Variants in WBP4 observed in about 807,000 individuals in gnomAD.
WBP4 encodes WW domain-binding protein 4.
In WBP4, 37 loss-of-function variants were observed where a neutral mutation model predicts 55.4. That is an observed-to-expected ratio of 0.67 (90% CI 0.51 to 0.88). WBP4 has a LOEUF of 0.88. WBP4 is among the 40% of genes least tolerant of loss of function. The probability of loss-of-function intolerance (pLI) is 0.00; values close to 1 mark genes in which losing one functional copy is unlikely to be tolerated. For synonymous variants in WBP4, 142 were observed against 140.2 expected (o/e 1.01, Z -0.09); for missense variants, 398 against 420.8 (o/e 0.95, Z 0.47).
At position 41,074,908 on chromosome 13, in the gene WBP4, T is replaced by G. The variant is rs189572864; in HGVS notation, c.563-1136T>G. On this transcript the variant is annotated intron_variant, in intron 7 of 9. Transcript: ENST00000379487. ...TACTCGGGAGGCTGAAGCAGGAGAA[T>G]CGCTTGAACCGGGGAGGTGGAGGTT... Among the ~76,000 whole-genome samples the G allele has an allele frequency of 4.3e-4, 66 of 152,240 alleles. No homozygotes were observed. The East Asian group carries it at 0.012, about 28-fold the overall frequency.
intron 7 of WBP4, 136 bp from the exon 8 acceptor site, chr13:41,075,908 A>G: frequency 1.0e-6 from 1 of 965,714 alleles, no homozygotes; most frequent in Non-Finnish European, 1.5e-6. Flanking sequence ...GAACTCTGTT[A>G]TCTTCTTGAT....
chr13:41,062,163 C>G (rs978770211), intron 1 of WBP4: 5 of 890,004 alleles, frequency 5.6e-6, no homozygotes, highest in Non-Finnish European at 5.2e-6. Context: ...TTCCAGTTCT[C>G]TCTTGCCTTG....
Position 41,082,981 on chromosome 13 carries a change from G to C in WBP4, c.*67G>C. ...AGACTTATACACCCAAAGTTTATCTGTGTTTGTTTGTAAGTATTATGATGC... is the reference window on the plus strand; with the variant it reads ...AGACTTATACACCCAAAGTTTATCTCTGTTTGTTTGTAAGTATTATGATGC... On this transcript the variant is annotated 3_prime_UTR_variant, in exon 10 of 10. Coordinates refer to ENST00000379487, the MANE Select transcript of WBP4 (RefSeq NM_007187.5). 1 of 1,422,468 alleles carries C rather than the reference G, an allele frequency of 7.0e-7. No homozygotes were observed. Among genetic ancestry groups the C allele is most frequent in the South Asian group, 1.2e-5 (1 of 80,152 alleles). The allele number at this position is 1,422,468 out of a possible 1,614,324, so 88.1% of individuals were successfully genotyped here.
rs1350378615 is a variant in WBP4, at chr13:41,066,446, C to T, written c.262+1159C>T. 3.3e-5 allele frequency among the ~76,000 whole-genome samples: 5 copies of T among 151,946 alleles called. No homozygotes were observed. The South Asian group carries it at 1.0e-3, about 32-fold the overall frequency. ...TTTTTAAATTACATATTTTGTGCTGCGGTCTATTTGCCGGTTGTTTTATTT... is the reference window on the plus strand; with the variant it reads ...TTTTTAAATTACATATTTTGTGCTGTGGTCTATTTGCCGGTTGTTTTATTT... On this transcript the variant is annotated intron_variant, in intron 4 of 9. Transcript: ENST00000379487.
chr13:41,067,074 G>A (rs1392950299), intron 4 of WBP4, among the ~76,000 whole-genome samples: 3 of 151,974 alleles, frequency 2.0e-5, no homozygotes, highest in South Asian at 2.1e-4. Context: ...CTGTAGCCTC[G>A]ACCTCCCGGG....
intron 9 of WBP4, 121 bp downstream of exon 9, chr13:41,080,930 A>C (rs1169976695): frequency 2.8e-6 from 3 of 1,081,542 alleles, no homozygotes; most frequent in Non-Finnish European, 4.1e-6. Flanking sequence ...GCTTGAGGCC[A>C]GATGCACCCC....
rs771592917 is a variant in WBP4 at position 41,076,082 on chromosome 13, A to G, written c.601A>G (p.Thr201Ala). The change falls in exon 8 of 10, where the codon ACT (threonine) becomes GCT (alanine). Residue 201 changes from threonine to alanine, a missense_variant. Coordinates refer to ENST00000379487, the MANE Select transcript of WBP4 (RefSeq NM_007187.5). ...GAAACCTGATGATTTCATTCCACAC[A>G]CTAGTGATCTGCCTTCTAGTAAGGT... ...WEKPDDFIPH[T>A]SDLPSSKVNE... 5.6e-6 allele frequency: 9 copies of G among 1,613,438 alleles called. No homozygotes were observed. In the East Asian group the frequency reaches 1.1e-4, roughly 20 times the overall value.
rs1009865376 is a variant in WBP4, at chr13:41,080,714, G to A, written c.825G>A (p.Gln275=). 18 of 1,605,830 alleles carry A rather than the reference G, an allele frequency of 1.1e-5. No homozygotes were observed. Among genetic ancestry groups the A allele is most frequent in the Non-Finnish European group, 1.5e-5 (18 of 1,177,854 alleles). The change falls in exon 9 of 10, where the codon CAG becomes CAA. Residue 275 remains glutamine (Q), a synonymous_variant. Transcript: ENST00000379487. ...AGAAAGAAAAAAGTATTCAGAAACAGAATTCATTAGGTTCAAATGAAGAAA... is the reference window on the plus strand; with the variant it reads ...AGAAAGAAAAAAGTATTCAGAAACAAAATTCATTAGGTTCAAATGAAGAAA... ...ETQKEKSIQK[Q]NSLGSNEEKS... is the part of the protein sequence containing the mutation.
chr13:41,062,963 T>C (rs1877766304), intron 2 of WBP4, among the ~76,000 whole-genome samples: 1 of 152,198 alleles, frequency 6.6e-6, no homozygotes, highest in Admixed American at 6.5e-5. Flanking sequence ...AATGAGTTGG[T>C]CATATCATTC....
In WBP4 at chr13:41,082,735, G is replaced by GA; in HGVS notation, c.956dup (p.Asn319LysfsTer2). ...GGTAGATTTGGAACTTCCAAGCACT[G>GA]AAAATGAGTATGTATCAACTTCAGA... is the stretch of plus-strand genomic sequence containing the variant. On this transcript the variant is annotated frameshift_variant, in exon 10 of 10. Coordinates refer to ENST00000379487, the MANE Select transcript of WBP4 (RefSeq NM_007187.5). LOFTEE classifies it high-confidence loss of function. 1 of 1,614,010 alleles carries GA rather than the reference G, an allele frequency of 6.2e-7. No homozygotes were observed. The highest frequency in any genetic ancestry group is 8.5e-7 in the Non-Finnish European group (1 of 1,179,996).
chr13:41,065,986 T>A (rs1299210420), intron 4 of WBP4, among the ~76,000 whole-genome samples: 1 of 152,206 alleles, frequency 6.6e-6, no homozygotes. Flanking sequence ...AAAAACAGCT[T>A]TCAATTAAGG....
rs1878879002 is a variant in WBP4, at chr13:41,083,513, T to C, written c.*599T>C. ...GGTGGAAAGATGTATTTGCCCCAGTTCACTTCAAAGCAGCAAACGTTGTTT... is the reference window on the plus strand; with the variant it reads ...GGTGGAAAGATGTATTTGCCCCAGTCCACTTCAAAGCAGCAAACGTTGTTT... On this transcript the variant is annotated 3_prime_UTR_variant, in exon 10 of 10. Transcript: ENST00000379487. The C allele has an allele frequency of 6.6e-6, 1 of 152,478 alleles. No homozygotes were observed. The highest frequency in any genetic ancestry group is 2.4e-5 in the African/African-American group (1 of 41,466). 9.4% of individuals were successfully genotyped at this position (152,478 alleles called of 1,614,324 possible).
chr13:41,074,517 A>C (rs2138475546), intron 7 of WBP4, among the ~76,000 whole-genome samples: 1 of 152,336 alleles, frequency 6.6e-6, no homozygotes, highest in South Asian at 2.1e-4. Flanking sequence ...ATATAGCTTT[A>C]GAGTTAGACA....
intron 9 of WBP4, 119 bp downstream of exon 9, chr13:41,080,928 C>A: frequency 9.3e-7 from 1 of 1,071,620 alleles, no homozygotes; most frequent in Admixed American, 2.5e-5. Context: ...TAGCTTGAGG[C>A]CAGATGCACC....
At chr13:41,075,065 CT>C in intron 7 of WBP4, among the ~76,000 whole-genome samples, 1 of 152,228 alleles carries the variant, frequency 6.6e-6, no homozygotes, top group South Asian at 2.1e-4. Flanking sequence ...GCCAAGAACT[CT>C]GTATTAATTA....
At chr13:41,067,765 G>T (rs1475351124) in intron 4 of WBP4, among the ~76,000 whole-genome samples, 1 of 152,128 alleles carries the variant, frequency 6.6e-6, no homozygotes, top group African/African-American at 2.4e-5. Context: ...AAGGATCTTT[G>T]TTAGGAATAT....
chr13:41,073,877 A>G (rs150605620), intron 7 of WBP4, among the ~76,000 whole-genome samples: 38 of 152,268 alleles, frequency 2.5e-4, no homozygotes, highest in African/African-American at 7.9e-4. Flanking sequence ...AAATTTAACA[A>G]TGTTTCAGTT....
intron 2 of WBP4, 105 bp from the exon 3 acceptor site, chr13:41,064,911 C>T: frequency 9.5e-7 from 1 of 1,057,806 alleles, no homozygotes; most frequent in African/African-American, 1.6e-5. Flanking sequence ...TTCTGCCATT[C>T]ATTTTAATTT....
rs947224573 is a variant in WBP4, at chr13:41,062,568, A to G, written c.3-76A>G. 10 of 1,383,082 alleles carry G rather than the reference A, an allele frequency of 7.2e-6. No individual in the cohort carries two copies. In the African/African-American group the frequency reaches 8.7e-5, roughly 12 times the overall value. 85.7% of individuals were successfully genotyped at this position (1,383,082 alleles called of 1,614,324 possible). ...AGCAGGGGCATATATTTCAAACTTTAAAAACTGTAAAGCATGCAGAATTTA... is the reference window on the plus strand; with the variant it reads ...AGCAGGGGCATATATTTCAAACTTTGAAAACTGTAAAGCATGCAGAATTTA... On this transcript the variant is annotated intron_variant, in intron 1 of 9. Transcript: ENST00000379487.
Sources: allele counts gnomAD v4.1 joint callset (sites outside exome capture counted in the v4.1 genomes callset), GRCh38; gene constraint gnomAD v4.1.1; transcripts MANE v1.5; gene names NCBI Gene and HGNC (gene_info 2026-07-23, HGNC 2026-07-21).